The following TBC1D5 variants were observed in gnomAD, a reference collection of about 807,000 sequenced individuals.
The protein encoded by TBC1D5 is TBC1 domain family, member 5.
TBC1D5 carries 75 observed loss-of-function variants against 100.3 expected under a neutral mutation model. The ratio of observed to expected loss-of-function variants is 0.75; its 90% CI spans 0.62 to 0.91. The LOEUF is 0.91. Among genes scored for constraint, TBC1D5 ranks in the 40% least tolerant of loss-of-function variants. The probability of loss-of-function intolerance (pLI) is 0.00; values close to 1 mark genes in which losing one functional copy is unlikely to be tolerated. For missense variants in TBC1D5, 910 were observed against 942.4 expected (o/e 0.97, Z 0.45); for synonymous variants, 323 against 325.6 (o/e 0.99, Z 0.09).
At chr3:17,161,165 C>T (rs937474685) in exon 22 of TBC1D5, 8 of 1,614,086 alleles carry the variant, frequency 5.0e-6, no homozygotes, top group Admixed American at 3.3e-5. Flanking sequence ...GGAGAAGGAG[C>T]CCCTGGCACT....
chr3:17,364,081 T>A (rs1186746471), intron 13 of TBC1D5, among the ~76,000 whole-genome samples: 1 of 151,938 alleles, frequency 6.6e-6, no homozygotes, highest in Non-Finnish European at 1.5e-5. Flanking sequence ...CAGCTTACCA[T>A]CTAGAATGTC....
chr3:17,540,345 T>C (rs2096337748), intron 2 of TBC1D5, among the ~76,000 whole-genome samples: 2 of 152,214 alleles, frequency 1.3e-5, no homozygotes, highest in Admixed American at 1.3e-4. Context: ...TTTCATGTAG[T>C]CCTCTATGTT....
chr3:17,378,767 C>CTT lies in TBC1D5; in HGVS notation c.613-2156_613-2155dup, dbSNP rs202093055. Among the ~76,000 whole-genome samples the CTT allele has an allele frequency of 6.7e-4, 93 of 138,972 alleles. 1 individual carries two copies. Among genetic ancestry groups the CTT allele is most frequent in the African/African-American group, 1.6e-3 (61 of 37,658 alleles). The allele number at this position is 138,972 out of a possible 152,430, so 91.2% of individuals were successfully genotyped here. On this transcript the variant is annotated intron_variant, in intron 9 of 21. Transcript: ENST00000253692. ...TGAGATTAGGAAAGAATACAGTTTC[C>CTT]TTTTTTTTTTTTCAGTTAATTCTTC...
At chr3:17,582,181 G>C (rs929267661) in intron 2 of TBC1D5, among the ~76,000 whole-genome samples, 2 of 152,164 alleles carry the variant, frequency 1.3e-5, no homozygotes, top group Non-Finnish European at 2.9e-5. Context: ...GCTTAATCAA[G>C]TTAAGGATTT....
chr3:17,708,932 A>T (rs958804187), intron 1 of TBC1D5, among the ~76,000 whole-genome samples: 1 of 152,232 alleles, frequency 6.6e-6, no homozygotes, highest in Non-Finnish European at 1.5e-5. Context: ...AATAACAGGT[A>T]CATATGCACC....
chr3:17,559,963 T>C (rs2096547898), intron 2 of TBC1D5, among the ~76,000 whole-genome samples: 1 of 152,156 alleles, frequency 6.6e-6, no homozygotes, highest in Non-Finnish European at 1.5e-5. Context: ...TCTAGTTACT[T>C]TATATAACAA....
chr3:17,589,678 G>C (rs886347935), intron 2 of TBC1D5, among the ~76,000 whole-genome samples: 2 of 152,146 alleles, frequency 1.3e-5, no homozygotes, highest in Non-Finnish European at 2.9e-5. Flanking sequence ...TGTGAAAACA[G>C]ACTAACACAT....
At chr3:17,615,612 T>C (rs1437875853) in intron 2 of TBC1D5, among the ~76,000 whole-genome samples, 2 of 152,202 alleles carry the variant, frequency 1.3e-5, no homozygotes. Flanking sequence ...CGTTTGGTCT[T>C]AGGAGGGTGT....
intron 17 of TBC1D5, 29 bp downstream of exon 17, chr3:17,238,134 T>C: frequency 6.3e-7 from 1 of 1,598,842 alleles, no homozygotes. Context: ...ATGAATGTTT[T>C]CTTTAGATTT....
intron 13 of TBC1D5, among the ~76,000 whole-genome samples, chr3:17,364,313 T>A (rs2091960520): frequency 6.6e-6 from 1 of 152,182 alleles, no homozygotes; most frequent in Non-Finnish European, 1.5e-5. Context: ...CATTCATCCA[T>A]CTTCTCATGT....
intron 1 of TBC1D5, among the ~76,000 whole-genome samples, chr3:17,641,934 G>A (rs2064551855): frequency 6.6e-6 from 1 of 152,042 alleles, no homozygotes; most frequent in African/African-American, 2.4e-5. Flanking sequence ...AAAATGCAAT[G>A]TTTTAAAATA....
chr3:17,256,635 A>G (rs1453052764), intron 16 of TBC1D5, among the ~76,000 whole-genome samples: 1 of 152,104 alleles, frequency 6.6e-6, no homozygotes, highest in Non-Finnish European at 1.5e-5. Flanking sequence ...CATATAACAA[A>G]TATGTGTTGA....
intron 17 of TBC1D5, among the ~76,000 whole-genome samples, chr3:17,232,986 A>G (rs936194636): frequency 7.9e-5 from 12 of 152,308 alleles, no homozygotes; most frequent in African/African-American, 2.9e-4. Context: ...CGCATATTTC[A>G]TCTAAAAGAC....
intron 1 of TBC1D5, among the ~76,000 whole-genome samples, chr3:17,731,136 A>G (rs2076519851): frequency 6.6e-6 from 1 of 152,118 alleles, no homozygotes; most frequent in Non-Finnish European, 1.5e-5. Flanking sequence ...AAAAACATGA[A>G]CAGTTCCAAA....
At chr3:17,302,080 A>C (rs965817704) in intron 14 of TBC1D5, among the ~76,000 whole-genome samples, 2 of 152,214 alleles carry the variant, frequency 1.3e-5, no homozygotes, top group African/African-American at 4.8e-5. Flanking sequence ...TGGTAGGACC[A>C]TGTTCCCTCT....
At chr3:17,483,603 A>C (rs1478368535) in intron 3 of TBC1D5, among the ~76,000 whole-genome samples, 1 of 152,228 alleles carries the variant, frequency 6.6e-6, no homozygotes, top group African/African-American at 2.4e-5. Flanking sequence ...TATGTATGCA[A>C]TAATTACAAA....
intron 13 of TBC1D5, among the ~76,000 whole-genome samples, chr3:17,364,847 G>T (rs2091999464): frequency 6.6e-6 from 1 of 152,096 alleles, no homozygotes; most frequent in African/African-American, 2.4e-5. Flanking sequence ...ATAAAAATTA[G>T]TAACAATGAA....
intron 17 of TBC1D5, among the ~76,000 whole-genome samples, chr3:17,228,932 G>T (rs1390899833): frequency 6.6e-6 from 1 of 152,080 alleles, no homozygotes; most frequent in African/African-American, 2.4e-5. Context: ...AAGGAAAGAG[G>T]AAGGAAAAAT....
intron 2 of TBC1D5, among the ~76,000 whole-genome samples, chr3:17,589,745 T>C (rs2153559389): frequency 6.6e-6 from 1 of 152,344 alleles, no homozygotes; most frequent in Admixed American, 6.5e-5. Context: ...AGTCATTTAA[T>C]ATTTGTTGTC....
Sources: allele counts gnomAD v4.1 joint callset (sites outside exome capture counted in the v4.1 genomes callset), GRCh38; gene constraint gnomAD v4.1.1; transcripts MANE v1.5; gene names NCBI Gene and HGNC (gene_info 2026-07-23, HGNC 2026-07-21).